Variants in SMARCAD1 observed in about 807,000 individuals in gnomAD.
SMARCAD1 encodes the protein SWI/SNF-related matrix-associated actin-dependent regulator of chromatin subfamily A containing DEAD/H box 1.
In SMARCAD1, 25 loss-of-function variants were observed where a neutral mutation model predicts 127.1. That is an observed-to-expected ratio of 0.20 (90% CI 0.14 to 0.27). SMARCAD1 has a LOEUF of 0.27. Ranked by LOEUF, SMARCAD1 falls within the 10% of genes least tolerant of loss-of-function variation. SMARCAD1 has a pLI of 1.00. For missense variants in SMARCAD1, 807 were observed against 1,206.0 expected, an observed-to-expected ratio of 0.67 and a Z score of 4.90; for synonymous variants, 400 against 396.9, an observed-to-expected ratio of 1.01 and a Z score of -0.09.
intron 12 of SMARCAD1, 132 bp from the exon 13 acceptor site, chr4:94,274,606 C>G (rs753094458): frequency 2.0e-5 from 18 of 885,312 alleles, no homozygotes; most frequent in Non-Finnish European, 3.0e-5. Flanking sequence ...CATGAGCCAC[C>G]TTGCTGGGCC....
chr4:94,287,519 C>T (rs942708020), intron 23 of SMARCAD1, among the ~76,000 whole-genome samples: 1 of 152,110 alleles, frequency 6.6e-6, no homozygotes, highest in Non-Finnish European at 1.5e-5. Context: ...TTAGTTGTTA[C>T]CAGAGTACCA....
At chr4:94,258,739 A>C (rs188698456) in intron 9 of SMARCAD1, among the ~76,000 whole-genome samples, 1 of 152,356 alleles carries the variant, frequency 6.6e-6, no homozygotes, top group African/African-American at 2.4e-5. Flanking sequence ...CTGTAAGCAA[A>C]TATCTGTAAG....
chr4:94,261,616 T>A (rs751651707), intron 9 of SMARCAD1, among the ~76,000 whole-genome samples: 14 of 152,182 alleles, frequency 9.2e-5, no homozygotes, highest in Non-Finnish European at 2.1e-4. Flanking sequence ...AGATTAAGTT[T>A]GTTTGTTTGT....
chr4:94,230,493 T>C (rs745488622), intron 3 of SMARCAD1, among the ~76,000 whole-genome samples: 8 of 152,188 alleles, frequency 5.3e-5, no homozygotes, highest in Non-Finnish European at 8.8e-5. Context: ...ATTTTGGTTA[T>C]CACAGTTTCT....
chr4:94,277,069 G>T lies in SMARCAD1; in HGVS notation c.1992G>T (p.Leu664=). The T allele has an allele frequency of 1.2e-6, 2 of 1,614,042 alleles. No individual in the cohort carries two copies. Among genetic ancestry groups the T allele is most frequent in the Non-Finnish European group, 1.7e-6 (2 of 1,179,966 alleles). The change falls in exon 16 of 24, where the codon CTG becomes CTT. Residue 664 remains leucine, a synonymous_variant. Transcript: ENST00000354268. ...LLTGTPVQNN[L]LELMSLLNFV... ...CAGGCACACCTGTACAGAACAATCT[G>T]TTAGAACTCATGTCGCTGTTGAATT...
chr4:94,252,976 A>G lies in SMARCAD1; in HGVS notation c.1250A>G (p.Glu417Gly). Residue 417 changes from glutamate (E) to glycine (G), a missense_variant, in exon 9 of 24, where the codon GAA becomes GGA. Physicochemically the swap from Glu to Gly is moderately conservative, Grantham distance 98 (BLOSUM62 -2). Coordinates refer to ENST00000354268, the MANE Select transcript of SMARCAD1 (RefSeq NM_020159.5). ...CAGAAAAAGGCTCAGAAGATAACAG[A>G]ACTCCGGCCCTTTAATAGTTGGGAG... ...CSQKKAQKIT[E>G]LRPFNSWEAL... 1 of 1,613,578 alleles carries G rather than the reference A, an allele frequency of 6.2e-7. No homozygotes were observed. The highest frequency in any genetic ancestry group is 1.1e-5 in the South Asian group (1 of 91,076).
At chr4:94,272,168 CAGTCATATTGGGTTCAG>C (rs1752627145) in intron 11 of SMARCAD1, among the ~76,000 whole-genome samples, 1 of 151,818 alleles carries the variant, frequency 6.6e-6, no homozygotes, top group African/African-American at 2.4e-5. Context: ...CTTACAAGGA[CAGTCATATTGGGTTCAG>C]GCCCCACACT....
chr4:94,286,342 C>T (rs1754935584), intron 23 of SMARCAD1, among the ~76,000 whole-genome samples: 1 of 152,168 alleles, frequency 6.6e-6, no homozygotes, highest in Non-Finnish European at 1.5e-5. Context: ...CAGTTTTATA[C>T]ATTTGGAGCA....
intron 2 of SMARCAD1, among the ~76,000 whole-genome samples, chr4:94,219,456 C>T (rs1015774345): frequency 4.6e-5 from 7 of 151,934 alleles, no homozygotes; most frequent in South Asian, 2.1e-4. Flanking sequence ...CTTGGACCAC[C>T]GAAAAGGTAA....
chr4:94,270,809 A>C lies in SMARCAD1; in HGVS notation c.1563A>C (p.Ala521=), dbSNP rs1424967308. ...VHKHGLNGIL[A]DEMGLGKTIQ... is the part of the protein sequence containing the mutation. Reference sequence around the variant, plus strand: ...AACATGGACTTAATGGCATTTTGGCAGATGAAATGGTAAGTGTACTTTATT... The same window carrying C: ...AACATGGACTTAATGGCATTTTGGCCGATGAAATGGTAAGTGTACTTTATT... The change falls in exon 11 of 24, where the codon GCA becomes GCC. Residue 521 remains alanine (A), a synonymous_variant. Coordinates refer to ENST00000354268, the MANE Select transcript of SMARCAD1 (RefSeq NM_020159.5). 3.1e-6 allele frequency: 5 copies of C among 1,612,742 alleles called. No homozygotes were observed. The highest frequency in any genetic ancestry group is 4.2e-6 in the Non-Finnish European group (5 of 1,179,032).
chr4:94,252,534 A>G, intron 8 of SMARCAD1, 82 bp from the exon 9 acceptor site: 1 of 975,012 alleles, frequency 1.0e-6, no homozygotes, highest in South Asian at 1.9e-5. Flanking sequence ...GGAATAGGTA[A>G]ATGTTTTAAG....
In SMARCAD1 at chr4:94,231,849, C is replaced by T. The variant is rs536732910; in HGVS notation, c.369-2105C>T. On this transcript the variant is annotated intron_variant, in intron 3 of 23. Transcript: ENST00000354268. ...AGATCAAGTCTTTTCTCAGAAAAAA[C>T]AGATTTTTCTTTTTCTTTCCTTTTT... Among the ~76,000 whole-genome samples, 4 of 151,530 alleles carry T rather than the reference C, an allele frequency of 2.6e-5. No individual in the cohort carries two copies. In the East Asian group the frequency reaches 7.7e-4, roughly 29 times the overall value.
At position 94,264,932 on chromosome 4, in the gene SMARCAD1, C is replaced by T. The variant is rs115799212; in HGVS notation, c.1481+26C>T. ...GTAATCTTTGTTGAATATATTTATT[C>T]GTATTTTATCTCAATTATACAAAAT... On this transcript the variant is annotated intron_variant, in intron 10 of 23. Transcript: ENST00000354268. The T allele has an allele frequency of 1.0e-4, 159 of 1,576,064 alleles. No individual in the cohort carries two copies. The African/African-American group carries it at 1.6e-3, about 16-fold the overall frequency.
Position 94,208,512 on chromosome 4 carries a change from G to T in SMARCAD1, c.118G>T (p.Ala40Ser). The T allele has an allele frequency of 1.2e-6, 2 of 1,614,126 alleles. No homozygotes were observed. Among genetic ancestry groups the T allele is most frequent in the Non-Finnish European group, 1.7e-6 (2 of 1,180,028 alleles). Reference protein sequence around the residue: ...PGPSSPISLSAEEENAEGEVS... With the variant: ...PGPSSPISLSSEEENAEGEVS... ...CCCTTCTTCACCAATTTCTCTTAGT[G>T]CTGAAGAGGAGAATGCTGAAGGGGA... The change falls in exon 2 of 24, where the codon GCT (alanine) becomes TCT (serine). Residue 40 changes from alanine (A) to serine (S), a missense_variant. Ala to Ser is a moderately conservative substitution (Grantham distance 99). Coordinates refer to ENST00000354268, the MANE Select transcript of SMARCAD1 (RefSeq NM_020159.5).
chr4:94,214,596 G>T (rs1157466965), intron 2 of SMARCAD1, among the ~76,000 whole-genome samples: 1 of 152,092 alleles, frequency 6.6e-6, no homozygotes, highest in Non-Finnish European at 1.5e-5. Flanking sequence ...CAAGAAGCTA[G>T]TGGAGAGGGA....
chr4:94,242,144 G>T (rs563177027), intron 6 of SMARCAD1, among the ~76,000 whole-genome samples: 3 of 151,512 alleles, frequency 2.0e-5, no homozygotes, highest in Non-Finnish European at 2.9e-5. Flanking sequence ...AGCAATTCTC[G>T]CACCTCAGCC....
chr4:94,253,033 T>A (rs778882418), intron 9 of SMARCAD1, 26 bp downstream of exon 9: 1 of 1,606,434 alleles, frequency 6.2e-7, no homozygotes, highest in Non-Finnish European at 8.5e-7. Flanking sequence ...TTTTTTCCCC[T>A]TGTATGTGTG....
chr4:94,255,567 T>C (rs1030778240), intron 9 of SMARCAD1, among the ~76,000 whole-genome samples: 2 of 151,884 alleles, frequency 1.3e-5, no homozygotes, highest in African/African-American at 4.8e-5. Flanking sequence ...AGTAGATATA[T>C]ATAAAATGTA....
chr4:94,251,504 A>G (rs1164055023), intron 8 of SMARCAD1, among the ~76,000 whole-genome samples: 2 of 152,174 alleles, frequency 1.3e-5, no homozygotes, highest in Admixed American at 1.3e-4. Context: ...ACAGAAAATG[A>G]TATTCTGTGG....
Sources: gnomAD v4.1 joint callset for allele counts (sites outside exome capture counted in the v4.1 genomes callset) on GRCh38, gnomAD v4.1.1 for gene constraint, MANE v1.5 for transcripts, NCBI Gene and HGNC (gene_info 2026-07-23, HGNC 2026-07-21) for gene names.